The following SSBP1 variants were observed in gnomAD, a reference collection of about 807,000 sequenced individuals.
SSBP1 encodes the protein single-stranded DNA-binding protein, mitochondrial.
Under a neutral mutation model 27.0 loss-of-function variants are expected in SSBP1, and 20 were observed. The observed-to-expected ratio is 0.74, with a 90% confidence interval of 0.52 to 1.08. The LOEUF (loss-of-function observed/expected upper bound fraction) is 1.08. Among genes scored for constraint, SSBP1 ranks in the 50% least tolerant of loss-of-function variants. The pLI is 0.00. For synonymous variants in SSBP1, 59 were observed against 59.3 expected (o/e 1.00, Z 0.02); for missense variants, 137 against 182.4 (o/e 0.75, Z 1.44).
rs367792667 is a variant in SSBP1, at chr7:141,743,747, A to G, written c.226+46A>G. On this transcript the variant is annotated intron_variant, in intron 4 of 6. Transcript: ENST00000265304. Reference sequence around the variant, plus strand: ...TTTTAATTTTATCAGCAATAAATAGATATTATTTATTGCCAGTTATCTAAT... The same window carrying G: ...TTTTAATTTTATCAGCAATAAATAGGTATTATTTATTGCCAGTTATCTAAT... 6.9e-5 allele frequency: 109 copies of G among 1,586,264 alleles called. No individual in the cohort carries two copies. The African/African-American group carries it at 1.3e-3, about 19-fold the overall frequency.
chr7:141,739,324 G>A, intron 2 of SSBP1, 134 bp downstream of exon 2: 1 of 581,524 alleles, frequency 1.7e-6, no homozygotes. Flanking sequence ...CATTTGATAT[G>A]GAGGATTGGG....
chr7:141,745,585 G>T lies in SSBP1; in HGVS notation c.403+1G>T, dbSNP rs1168255348. 3.1e-6 allele frequency: 5 copies of T among 1,612,928 alleles called. No homozygotes were observed. Among genetic ancestry groups the T allele is most frequent in the African/African-American group, 1.3e-5 (1 of 74,874 alleles). ...CGACAAGCAACAACAATCATAGCTG[G>T]TAAGAAGCTTGTGAAAATAGCTGTT... On this transcript the variant is annotated splice_donor_variant, in intron 6 of 6. Coordinates refer to ENST00000265304, the MANE Select transcript of SSBP1 (RefSeq NM_003143.3). LOFTEE classifies it high-confidence loss of function.
chr7:141,738,980 C>G (rs1799397817), intron 1 of SSBP1, 144 bp from the exon 2 acceptor site: 1 of 464,452 alleles, frequency 2.2e-6, no homozygotes, highest in Non-Finnish European at 3.8e-6. Context: ...GAATCCTCAT[C>G]AGATGTGCAG....
Position 141,739,205 on chromosome 7 carries a change from G to A in SSBP1, c.24+15G>A. 1 of 1,582,992 alleles carries A rather than the reference G, an allele frequency of 6.3e-7. No homozygotes were observed. Among genetic ancestry groups the A allele is most frequent in the South Asian group, 1.2e-5 (1 of 84,752 alleles). On this transcript the variant is annotated intron_variant, in intron 2 of 6. Transcript: ENST00000265304. ...CTGTATTACAGGTAGTCACTTGTCT[G>A]TATTAATACTGAGATGTATTACTAT... is the stretch of plus-strand genomic sequence containing the variant.
intron 3 of SSBP1, among the ~76,000 whole-genome samples, chr7:141,742,796 G>T (rs1799594068): frequency 6.6e-6 from 1 of 152,300 alleles, no homozygotes; most frequent in Non-Finnish European, 1.5e-5. Context: ...TTAATGCAGA[G>T]ATTGAAGTTG....
intron 6 of SSBP1, among the ~76,000 whole-genome samples, chr7:141,749,903 C>T (rs1397188676): frequency 2.0e-5 from 3 of 152,232 alleles, no homozygotes; most frequent in Non-Finnish European, 4.4e-5. Context: ...TGGACTCTTA[C>T]TCTTTCCTCT....
chr7:141,740,756 C>T (rs1799495809), intron 2 of SSBP1: 1 of 152,146 alleles, frequency 6.6e-6, no homozygotes, highest in Admixed American at 6.6e-5. Flanking sequence ...GCACTAAAAA[C>T]AGGAAATTTC....
In SSBP1 at chr7:141,742,095, C is replaced by T. The variant is rs956080526; in HGVS notation, c.25-74C>T. ...AACTACTGACTATATGGTGAATGAACGTGAGTAATTCTTCTGTTTGCATTT... is the reference window on the plus strand; with the variant it reads ...AACTACTGACTATATGGTGAATGAATGTGAGTAATTCTTCTGTTTGCATTT... On this transcript the variant is annotated intron_variant, in intron 2 of 6. Transcript: ENST00000265304. The T allele has an allele frequency of 6.7e-5, 74 of 1,100,862 alleles. No homozygotes were observed. The Admixed American group carries it at 1.1e-3, about 16-fold the overall frequency. The allele number at this position is 1,100,862 out of a possible 1,614,324, so 68.2% of individuals were successfully genotyped here.
intron 6 of SSBP1, among the ~76,000 whole-genome samples, chr7:141,747,588 C>T (rs1222939281): frequency 6.6e-6 from 1 of 151,636 alleles, no homozygotes; most frequent in Non-Finnish European, 1.5e-5. Flanking sequence ...TGGGGTTTCA[C>T]CATATTGGCC....
At chr7:141,745,885 G>GGA in intron 6 of SSBP1, 13 of 1,096,808 alleles carry the variant, frequency 1.2e-5, no homozygotes, top group Non-Finnish European at 1.3e-5. Context: ...TGAATGTATT[G>GGA]TCTTTTGGAA....
At chr7:141,742,777 G>A (rs1014836451) in intron 3 of SSBP1, among the ~76,000 whole-genome samples, 9 of 152,278 alleles carry the variant, frequency 5.9e-5, no homozygotes, top group Middle Eastern at 3.4e-3. Context: ...TCCAGAACTT[G>A]GGTTTTACTT....
intron 2 of SSBP1, chr7:141,740,745 T>C (rs1315573611): frequency 2.0e-5 from 3 of 152,216 alleles, no homozygotes; most frequent in Non-Finnish European, 4.4e-5. Flanking sequence ...CCTTTTTTGA[T>C]GCACTAAAAA....
At chr7:141,750,184 T>C (rs1799912065) in intron 6 of SSBP1, 127 bp from the exon 7 acceptor site, 1 of 711,628 alleles carries the variant, frequency 1.4e-6, no homozygotes, top group South Asian at 1.8e-5. Flanking sequence ...AGTGATTTAA[T>C]ATTTTGAAAA....
chr7:141,749,318 C>A (rs538059058), intron 6 of SSBP1, among the ~76,000 whole-genome samples: 1 of 152,268 alleles, frequency 6.6e-6, no homozygotes, highest in Non-Finnish European at 1.5e-5. Context: ...GGTCCTGGAA[C>A]CAGTCCCCCA....
chr7:141,750,156 C>T (rs767286768), intron 6 of SSBP1, among the ~76,000 whole-genome samples, 155 bp from the exon 7 acceptor site: 1 of 152,194 alleles, frequency 6.6e-6, no homozygotes, highest in Non-Finnish European at 1.5e-5. Context: ...TGTATATATA[C>T]CTCTCGTGAG....
intron 6 of SSBP1, among the ~76,000 whole-genome samples, chr7:141,747,995 C>CA (rs926171907): frequency 0.12 from 6,603 of 54,204 alleles, 231 homozygotes; most frequent in South Asian, 0.15. Context: ...AAGACTCTCT[C>CA]AAAAAAAAAA....
intron 6 of SSBP1, among the ~76,000 whole-genome samples, chr7:141,748,298 C>G (rs974993716): frequency 6.6e-6 from 1 of 152,046 alleles, no homozygotes; most frequent in Admixed American, 6.6e-5. Flanking sequence ...AATTTTTTTA[C>G]TAAATATCGT....
chr7:141,745,667 G>A (rs1175428456), intron 6 of SSBP1, 83 bp downstream of exon 6: 11 of 1,570,662 alleles, frequency 7.0e-6, no homozygotes, highest in Non-Finnish European at 8.6e-6. Flanking sequence ...ACTAACTAGG[G>A]TTAAGAGTAC....
chr7:141,747,868 C>T lies in SSBP1; in HGVS notation c.403+2284C>T, dbSNP rs141982469. Among the ~76,000 whole-genome samples the T allele has an allele frequency of 4.4e-3, 668 of 150,778 alleles. 12 individuals carry two copies. In the Middle Eastern group the frequency reaches 0.055, roughly 12 times the overall value. Reference sequence around the variant, plus strand: ...CAAAAAGTAGCCGGGTCTAGTAATGCGTGTCTGTAGTCCCAGCTACTCAGG... The same window carrying T: ...CAAAAAGTAGCCGGGTCTAGTAATGTGTGTCTGTAGTCCCAGCTACTCAGG... On this transcript the variant is annotated intron_variant, in intron 6 of 6. Transcript: ENST00000265304.
Sources: allele counts gnomAD v4.1 joint callset (sites outside exome capture counted in the v4.1 genomes callset), GRCh38; gene constraint gnomAD v4.1.1; transcripts MANE v1.5; gene names NCBI Gene and HGNC (gene_info 2026-07-23, HGNC 2026-07-21).